SCHIP1: variants seen among roughly 807,000 people sequenced by gnomAD.
The protein encoded by SCHIP1 is schwannomin interacting protein 1, also known as schwannomin-interacting protein 1.
A neutral mutation model predicts 29.7 loss-of-function variants in SCHIP1; 8 were observed. The observed-to-expected ratio is 0.27, with a 90% CI of 0.16 to 0.49. The LOEUF (loss-of-function observed/expected upper bound fraction) is 0.49, where lower values mean the gene tolerates loss of function less well. SCHIP1 is among the 20% of genes least tolerant of loss of function. The pLI, the probability that SCHIP1 is intolerant of heterozygous loss-of-function variation, is 0.99. For missense variants in SCHIP1, 193 were observed against 294.6 expected, an observed-to-expected ratio of 0.66 and a Z score of 2.52; for synonymous variants, 76 against 94.9, an observed-to-expected ratio of 0.80 and a Z score of 1.16.
chr3:159,845,877 G>T (rs1039179653), intron 1 of SCHIP1: 2 of 152,226 alleles, frequency 1.3e-5, no homozygotes, highest in Non-Finnish European at 2.9e-5. Flanking sequence ...TTGTAACAAG[G>T]AGTTGGTGAA....
At chr3:159,393,651 C>G in the SCHIP1 span, among the ~76,000 whole-genome samples, 1 of 149,926 alleles carries the variant, frequency 6.7e-6, no homozygotes, top group African/African-American at 2.4e-5. Flanking sequence ...TCTGAGGGCT[C>G]TGTTCTGTTC....
chr3:159,680,517 AT>A, the SCHIP1 span, among the ~76,000 whole-genome samples: 442 of 122,562 alleles, frequency 3.6e-3, 2 homozygotes, highest in South Asian at 0.012. Flanking sequence ...CAAAAAAAAA[AT>A]ATATATATAT....
chr3:159,521,477 G>A, the SCHIP1 span, among the ~76,000 whole-genome samples: 41 of 152,330 alleles, frequency 2.7e-4, no homozygotes, highest in Middle Eastern at 6.8e-3. Context: ...CACTATGCAC[G>A]AAAGGTACTA....
chr3:159,355,098 G>A, the SCHIP1 span, among the ~76,000 whole-genome samples: 2 of 152,114 alleles, frequency 1.3e-5, no homozygotes, highest in Non-Finnish European at 2.9e-5. Context: ...GAGACTTTGA[G>A]TCACATCAAC....
the SCHIP1 span, among the ~76,000 whole-genome samples, chr3:159,627,042 C>G: frequency 6.6e-6 from 1 of 152,140 alleles, no homozygotes. Flanking sequence ...TGCCCCCACC[C>G]CGACGGGCCC....
chr3:159,424,539 T>G, the SCHIP1 span, among the ~76,000 whole-genome samples: 49 of 152,292 alleles, frequency 3.2e-4, no homozygotes, highest in African/African-American at 1.1e-3. Flanking sequence ...TATGGGACTA[T>G]GTGAAAAGAC....
the SCHIP1 span, among the ~76,000 whole-genome samples, chr3:159,286,809 T>C: frequency 3.3e-5 from 5 of 152,208 alleles, no homozygotes; most frequent in Non-Finnish European, 5.9e-5. Context: ...TTGATTTACA[T>C]TGCTCTAATG....
chr3:159,366,490 C>A, the SCHIP1 span, among the ~76,000 whole-genome samples: 6,969 of 152,260 alleles, frequency 0.046, 227 homozygotes, highest in Middle Eastern at 0.15. Flanking sequence ...GTGCCCTTTA[C>A]AAGTTACTTA....
chr3:159,311,915 A>G, the SCHIP1 span, among the ~76,000 whole-genome samples: 1 of 152,194 alleles, frequency 6.6e-6, no homozygotes, highest in Non-Finnish European at 1.5e-5. Flanking sequence ...GTGAAAGTTT[A>G]ATCATCATGC....
chr3:159,409,119 G>A, the SCHIP1 span, among the ~76,000 whole-genome samples: 1 of 151,948 alleles, frequency 6.6e-6, no homozygotes, highest in Non-Finnish European at 1.5e-5. Flanking sequence ...AAAAAACTCG[G>A]TATAGAGGTA....
the SCHIP1 span, among the ~76,000 whole-genome samples, chr3:159,566,292 T>C: frequency 1.3e-5 from 2 of 152,186 alleles, no homozygotes; most frequent in Non-Finnish European, 2.9e-5. Flanking sequence ...GGTGAAAAGA[T>C]TACAAACAAT....
chr3:159,305,606 A>G, the SCHIP1 span, among the ~76,000 whole-genome samples: 1 of 152,182 alleles, frequency 6.6e-6, no homozygotes, highest in African/African-American at 2.4e-5. Flanking sequence ...CCTTCTTTCA[A>G]CATGGAGATA....
the SCHIP1 span, among the ~76,000 whole-genome samples, chr3:159,767,787 G>A: frequency 4.1e-4 from 62 of 152,086 alleles, no homozygotes; most frequent in African/African-American, 1.5e-3. Flanking sequence ...TAAAGTAACA[G>A]CACTGCACCC....
At chr3:159,415,664 G>A in the SCHIP1 span, among the ~76,000 whole-genome samples, 1 of 152,088 alleles carries the variant, frequency 6.6e-6, no homozygotes, top group East Asian at 1.9e-4. Context: ...TGGTGAATAT[G>A]TACCACATTT....
At chr3:159,674,490 G>A in the SCHIP1 span, among the ~76,000 whole-genome samples, 7 of 151,682 alleles carry the variant, frequency 4.6e-5, no homozygotes, top group African/African-American at 1.5e-4. Flanking sequence ...TGGAAGTCCC[G>A]GCAGTCTTTG....
the SCHIP1 span, among the ~76,000 whole-genome samples, chr3:159,755,921 A>G: frequency 9.2e-5 from 14 of 152,246 alleles, no homozygotes; most frequent in Admixed American, 8.5e-4. Flanking sequence ...GGTCACACTG[A>G]TGCAAGAGGT....
At chr3:159,821,803 C>T in the SCHIP1 span, among the ~76,000 whole-genome samples, 1 of 152,100 alleles carries the variant, frequency 6.6e-6, no homozygotes, top group Non-Finnish European at 1.5e-5. Context: ...TCCGAATTAC[C>T]AGCATCACTA....
chr3:159,713,223 AGAAAGAAAGG>A, the SCHIP1 span, among the ~76,000 whole-genome samples: 1 of 128,456 alleles, frequency 7.8e-6, no homozygotes, highest in African/African-American at 3.4e-5. Flanking sequence ...AGAGAGAGAG[AGAAAGAAAGG>A]AAGAAAGAAA....
At chr3:159,746,922 T>G in the SCHIP1 span, among the ~76,000 whole-genome samples, 1 of 152,236 alleles carries the variant, frequency 6.6e-6, no homozygotes, top group Admixed American at 6.5e-5. Context: ...TGGGAAGGCT[T>G]CTTTGAGCTG....
Sources: gnomAD v4.1 joint callset for allele counts (sites outside exome capture counted in the v4.1 genomes callset) on GRCh38, gnomAD v4.1.1 for gene constraint, MANE v1.5 for transcripts, NCBI Gene and HGNC (gene_info 2026-07-23, HGNC 2026-07-21) for gene names.